Variants in FRMD4A observed in about 807,000 individuals in gnomAD.
FRMD4A encodes FERM domain-containing protein 4A.
FRMD4A carries 29 observed loss-of-function variants against 129.1 expected under a neutral mutation model. The ratio of observed to expected loss-of-function variants is 0.22; its 90% confidence interval spans 0.17 to 0.31. The LOEUF is 0.31. FRMD4A is among the 10% of genes least tolerant of loss of function. FRMD4A has a pLI of 1.00. For missense variants in FRMD4A, 1,272 were observed against 1,375.8 expected (o/e 0.92, Z 1.19); for synonymous variants, 634 against 571.6 (o/e 1.11, Z -1.56).
At chr10:13,918,913 GC>G (rs112629437) in intron 2 of FRMD4A, among the ~76,000 whole-genome samples, 8 of 151,422 alleles carry the variant, frequency 5.3e-5, no homozygotes, top group African/African-American at 1.9e-4. Context: ...AATGACAAAT[GC>G]CCCCCTAATT....
chr10:14,159,761 AAAT>A (rs1352384231), intron 2 of FRMD4A, among the ~76,000 whole-genome samples: 5 of 152,230 alleles, frequency 3.3e-5, no homozygotes, highest in Non-Finnish European at 7.3e-5. Context: ...AAAATATACC[AAAT>A]GCTGGCTGGG....
At chr10:14,128,046 CTCTTTCTTTCTTTCTTTCTTTCTTTCTT>C (rs534411383) in intron 2 of FRMD4A, among the ~76,000 whole-genome samples, 1,325 of 78,048 alleles carry the variant, frequency 0.017, 82 homozygotes, top group African/African-American at 0.059. Context: ...CTTTCTTTCC[CTCTTTCTTTCTTTCTTTCTTTCTTTCTT>C]TCTTTCTTTC....
intron 2 of FRMD4A, among the ~76,000 whole-genome samples, chr10:13,866,560 A>T (rs1210598282): frequency 1.3e-5 from 2 of 152,204 alleles, no homozygotes; most frequent in African/African-American, 4.8e-5. Flanking sequence ...AATCTCAATC[A>T]TCATAAAGCA....
At chr10:14,055,744 C>A (rs12247392) in intron 2 of FRMD4A, among the ~76,000 whole-genome samples, 1 of 152,080 alleles carries the variant, frequency 6.6e-6, no homozygotes, top group African/African-American at 2.4e-5. Flanking sequence ...GTACATGAGA[C>A]GTTTTGATAC....
At chr10:14,000,668 A>AAAAAAAAAAAAAAAAAAAAAAAAAG (rs1555009702) in intron 2 of FRMD4A, among the ~76,000 whole-genome samples, 6 of 74,514 alleles carry the variant, frequency 8.1e-5, no homozygotes, top group Admixed American at 2.8e-4. Context: ...AAAAAAAAAA[A>AAAAAAAAAAAAAAAAAAAAAAAAAG]GAGAAGAAAG....
intron 2 of FRMD4A, among the ~76,000 whole-genome samples, chr10:13,931,615 T>C (rs545576946): frequency 6.6e-6 from 1 of 152,190 alleles, no homozygotes; most frequent in Non-Finnish European, 1.5e-5. Flanking sequence ...ACGTGGGGTG[T>C]AACTGCCTTT....
intron 15 of FRMD4A, among the ~76,000 whole-genome samples, chr10:13,682,611 C>T (rs1274096371): frequency 6.6e-6 from 1 of 151,180 alleles, no homozygotes; most frequent in South Asian, 2.1e-4. Context: ...AGTGATTCTC[C>T]TGCCTCAGCC....
chr10:14,128,830 C>A (rs115825279), intron 2 of FRMD4A, among the ~76,000 whole-genome samples: 132 of 152,222 alleles, frequency 8.7e-4, no homozygotes, highest in African/African-American at 3.0e-3. Flanking sequence ...CTCCTTTAAC[C>A]TCACTTCCTT....
chr10:14,292,458 C>T (rs1845879202), intron 2 of FRMD4A, among the ~76,000 whole-genome samples: 1 of 152,214 alleles, frequency 6.6e-6, no homozygotes. Flanking sequence ...GGCATATCCT[C>T]CTCACATGCT....
chr10:14,124,008 C>A (rs74122494), intron 2 of FRMD4A, among the ~76,000 whole-genome samples: 3,372 of 152,188 alleles, frequency 0.022, 114 homozygotes, highest in African/African-American at 0.077. Flanking sequence ...CAGAGACCTG[C>A]GTTTAGGGCA....
rs571915588 is a variant in FRMD4A at position 14,223,956 on chromosome 10, G to A, written c.45+106102C>T. On this transcript the variant is annotated intron_variant, in intron 2 of 24. Transcript: ENST00000357447. ...TAAGCAACAAACTGAAAAGATTTTC[G>A]GGGACCCTTCTCTAATATGGATCAT... is the stretch of plus-strand genomic sequence containing the variant. 9.1e-4 allele frequency among the ~76,000 whole-genome samples: 138 copies of A among 152,040 alleles called. 1 individual carries two copies. The highest frequency in any genetic ancestry group is 2.1e-4 in the South Asian group (1 of 4,804).
chr10:14,319,365 T>TCA (rs1371783310), intron 2 of FRMD4A, among the ~76,000 whole-genome samples: 3 of 141,008 alleles, frequency 2.1e-5, no homozygotes, highest in Non-Finnish European at 4.4e-5. Flanking sequence ...TCTCTCTCTC[T>TCA]CTCACACACA....
intron 2 of FRMD4A, among the ~76,000 whole-genome samples, chr10:13,975,990 C>T (rs1295919175): frequency 6.6e-6 from 1 of 152,204 alleles, no homozygotes; most frequent in Non-Finnish European, 1.5e-5. Context: ...ACCACTTAGA[C>T]AGTTGATCGC....
At chr10:14,213,160 C>G (rs886754891) in intron 2 of FRMD4A, among the ~76,000 whole-genome samples, 1 of 152,160 alleles carries the variant, frequency 6.6e-6, no homozygotes, top group Non-Finnish European at 1.5e-5. Context: ...AGGAGGATCA[C>G]TTGAGCCTGG....
At chr10:14,012,576 G>C (rs1036904424) in intron 2 of FRMD4A, among the ~76,000 whole-genome samples, 12 of 152,322 alleles carry the variant, frequency 7.9e-5, no homozygotes, top group Non-Finnish European at 1.2e-4. Context: ...GCAGCAGGAG[G>C]GGGAAGAGTC....
intron 2 of FRMD4A, among the ~76,000 whole-genome samples, chr10:14,116,781 A>G (rs1161629845): frequency 2.0e-5 from 3 of 152,266 alleles, no homozygotes; most frequent in African/African-American, 7.2e-5. Context: ...TTCACCTGCC[A>G]TAATTTTTCC....
chr10:14,015,455 G>C (rs971308468), intron 2 of FRMD4A, among the ~76,000 whole-genome samples: 6 of 148,918 alleles, frequency 4.0e-5, no homozygotes, highest in African/African-American at 1.5e-4. Context: ...TGCCTTGCTG[G>C]ACTGCAGTCT....
intron 2 of FRMD4A, among the ~76,000 whole-genome samples, chr10:13,931,930 T>C (rs2095200938): frequency 6.6e-6 from 1 of 151,574 alleles, no homozygotes; most frequent in Non-Finnish European, 1.5e-5. Flanking sequence ...GCCTGGGCAA[T>C]AGAGCAAGAC....
Position 13,645,770 on chromosome 10 carries a change from C to T in FRMD4A, c.*1268G>A, listed in dbSNP as rs1012477598. 4.6e-5 allele frequency: 7 copies of T among 152,580 alleles called. No homozygotes were observed. Among genetic ancestry groups the T allele is most frequent in the African/African-American group, 1.7e-4 (7 of 41,422 alleles). 9.5% of individuals were successfully genotyped at this position (152,580 alleles called of 1,614,324 possible). ...AAGTGACACATAGGAGAAGTCGGAT[C>T]TGAGCTCTTTTGTCACACAAGTGCT... On this transcript the variant is annotated 3_prime_UTR_variant, in exon 25 of 25. Transcript: ENST00000357447.
Sources: gnomAD v4.1 joint callset for allele counts (sites outside exome capture counted in the v4.1 genomes callset) on GRCh38, gnomAD v4.1.1 for gene constraint, MANE v1.5 for transcripts, NCBI Gene and HGNC (gene_info 2026-07-23, HGNC 2026-07-21) for gene names.